PPM1E: variants seen among roughly 807,000 people sequenced by gnomAD.
PPM1E encodes protein phosphatase 1E.
In PPM1E, 20 loss-of-function variants were observed where a neutral mutation model predicts 65.9. The ratio of observed to expected loss-of-function variants is 0.30; its 90% CI spans 0.21 to 0.44. The LOEUF (loss-of-function observed/expected upper bound fraction) is 0.44, where lower values mean the gene tolerates loss of function less well. Among genes scored for constraint, PPM1E ranks in the 20% least tolerant of loss-of-function variants. PPM1E has a pLI of 1.00. For synonymous variants in PPM1E, 352 were observed against 374.9 expected (o/e 0.94, Z 0.70); for missense variants, 713 against 953.1 (o/e 0.75, Z 3.32).
At chr17:58,873,559 C>T (rs4337355) in intron 1 of PPM1E, among the ~76,000 whole-genome samples, 56,454 of 138,504 alleles carry the variant, frequency 0.41, 10,922 homozygotes, top group Middle Eastern at 0.54. Flanking sequence ...GAACAAAATG[C>T]TCATAGTATT....
chr17:58,826,629 C>A (rs575055819), intron 1 of PPM1E, among the ~76,000 whole-genome samples: 1 of 151,836 alleles, frequency 6.6e-6, no homozygotes, highest in African/African-American at 2.4e-5. Flanking sequence ...TTTGTTTTTA[C>A]TCTTTTATTT....
chr17:58,806,000 CA>C (rs398079071), intron 1 of PPM1E, among the ~76,000 whole-genome samples: 108 of 69,706 alleles, frequency 1.5e-3, no homozygotes, highest in African/African-American at 5.7e-3. Context: ...CAAAACAAAA[CA>C]AAAAAAAAAC....
chr17:58,917,606 C>T (rs1038667689), intron 1 of PPM1E, among the ~76,000 whole-genome samples: 1 of 152,202 alleles, frequency 6.6e-6, no homozygotes, highest in Admixed American at 6.5e-5. Flanking sequence ...TTAAGCAGCA[C>T]AGAACCAATT....
intron 1 of PPM1E, among the ~76,000 whole-genome samples, chr17:58,914,123 T>C (rs1021326559): frequency 6.6e-6 from 1 of 152,222 alleles, no homozygotes; most frequent in Non-Finnish European, 1.5e-5. Flanking sequence ...AATTTTTCCA[T>C]GTCAAATTTT....
At chr17:58,855,755 C>G (rs1248931946) in intron 1 of PPM1E, among the ~76,000 whole-genome samples, 3 of 152,094 alleles carry the variant, frequency 2.0e-5, no homozygotes, top group Admixed American at 6.6e-5. Context: ...AACAAACCAT[C>G]CTACGTTTCT....
intron 1 of PPM1E, among the ~76,000 whole-genome samples, chr17:58,798,226 G>GTTT (rs1182858502): frequency 9.4e-5 from 12 of 128,186 alleles, no homozygotes; most frequent in East Asian, 7.7e-4. Flanking sequence ...TACGTTTTTT[G>GTTT]TTTGTTTTTT....
At chr17:58,886,958 T>C (rs1203191867) in intron 1 of PPM1E, among the ~76,000 whole-genome samples, 1 of 152,140 alleles carries the variant, frequency 6.6e-6, no homozygotes, top group Non-Finnish European at 1.5e-5. Flanking sequence ...AACCTAAAAC[T>C]GCTCTTAAAA....
chr17:58,821,799 A>G (rs2050483142), intron 1 of PPM1E, among the ~76,000 whole-genome samples: 1 of 152,136 alleles, frequency 6.6e-6, no homozygotes, highest in Non-Finnish European at 1.5e-5. Context: ...CTCCATTGTT[A>G]TTTGGTAAAG....
intron 1 of PPM1E, among the ~76,000 whole-genome samples, chr17:58,879,407 C>T (rs2051164522): frequency 6.7e-6 from 1 of 149,560 alleles, no homozygotes. Context: ...TACCACTGTG[C>T]TTGGCCAATT....
At chr17:58,888,084 G>A (rs1463194761) in intron 1 of PPM1E, among the ~76,000 whole-genome samples, 1 of 152,090 alleles carries the variant, frequency 6.6e-6, no homozygotes, top group Non-Finnish European at 1.5e-5. Context: ...AGAAGAGCAA[G>A]CTTAAAGGGA....
At chr17:58,940,500 G>A (rs996708573) in intron 1 of PPM1E, among the ~76,000 whole-genome samples, 4 of 152,106 alleles carry the variant, frequency 2.6e-5, no homozygotes, top group Non-Finnish European at 4.4e-5. Context: ...CTGACAAAAG[G>A]TAAAAAAATT....
chr17:58,978,879 T>C (rs2031190186), intron 6 of PPM1E, among the ~76,000 whole-genome samples: 1 of 152,112 alleles, frequency 6.6e-6, no homozygotes, highest in African/African-American at 2.4e-5. Flanking sequence ...AATGATCAAT[T>C]ATCTCAGTAG....
chr17:58,936,757 T>A (rs909492605), intron 1 of PPM1E, among the ~76,000 whole-genome samples: 1 of 152,152 alleles, frequency 6.6e-6, no homozygotes, highest in Non-Finnish European at 1.5e-5. Flanking sequence ...TAAAATACTA[T>A]CCTGTCCATC....
intron 1 of PPM1E, among the ~76,000 whole-genome samples, chr17:58,789,289 C>G (rs920822159): frequency 4.6e-5 from 7 of 152,184 alleles, no homozygotes; most frequent in African/African-American, 1.7e-4. Context: ...AATAGCACCT[C>G]TTTAGGTTTC....
intron 1 of PPM1E, among the ~76,000 whole-genome samples, chr17:58,920,293 C>T (rs2143531279): frequency 6.6e-6 from 1 of 152,304 alleles, no homozygotes; most frequent in African/African-American, 2.4e-5. Flanking sequence ...GACAATCCTC[C>T]AATGCTCAGA....
intron 1 of PPM1E, among the ~76,000 whole-genome samples, chr17:58,861,509 G>A (rs560375118): frequency 1.3e-5 from 2 of 152,312 alleles, no homozygotes; most frequent in East Asian, 1.9e-4. Context: ...GATTGGCAAA[G>A]TGACTTTCTT....
intron 6 of PPM1E, among the ~76,000 whole-genome samples, chr17:58,977,103 T>A (rs895332058): frequency 5.9e-5 from 9 of 152,114 alleles, no homozygotes; most frequent in African/African-American, 2.2e-4. Flanking sequence ...GTGAAGTTGA[T>A]TAAATCAAAA....
chr17:58,795,577 G>A (rs761075233), intron 1 of PPM1E, among the ~76,000 whole-genome samples: 2 of 152,146 alleles, frequency 1.3e-5, no homozygotes, highest in Non-Finnish European at 2.9e-5. Flanking sequence ...GGTGGCGCAC[G>A]CCTGTGGTCC....
chr17:58,781,251 C>T (rs1567831685), intron 1 of PPM1E, among the ~76,000 whole-genome samples: 1 of 151,236 alleles, frequency 6.6e-6, no homozygotes, highest in Non-Finnish European at 1.5e-5. Context: ...AGTGATTCTC[C>T]TGCCCCAGCC....
Sources: allele counts gnomAD v4.1 joint callset (sites outside exome capture counted in the v4.1 genomes callset), GRCh38; gene constraint gnomAD v4.1.1; transcripts MANE v1.5; gene names NCBI Gene and HGNC (gene_info 2026-07-23, HGNC 2026-07-21).